Variants in LDB2 observed in about 807,000 individuals in gnomAD.
The protein encoded by LDB2 is LIM domain binding 2, also known as LIM domain-binding protein 2.
A neutral mutation model predicts 44.3 loss-of-function variants in LDB2; 12 were observed. The observed-to-expected ratio is 0.27, with a 90% CI of 0.17 to 0.44. The LOEUF (loss-of-function observed/expected upper bound fraction) is 0.44, where lower values mean the gene tolerates loss of function less well. LDB2 is among the 20% of genes least tolerant of loss of function. LDB2 has a pLI of 1.00. For synonymous variants in LDB2, 164 were observed against 174.8 expected (o/e 0.94, Z 0.49); for missense variants, 344 against 473.5 (o/e 0.73, Z 2.54).
At chr4:16,517,722 T>C (rs1724309204) in intron 5 of LDB2, among the ~76,000 whole-genome samples, 1 of 152,246 alleles carries the variant, frequency 6.6e-6, no homozygotes, top group South Asian at 2.1e-4. Flanking sequence ...TTGTTCATCC[T>C]GGCAAAGTTC....
intron 1 of LDB2, among the ~76,000 whole-genome samples, chr4:16,834,390 C>A (rs554493995): frequency 1.3e-5 from 2 of 152,230 alleles, no homozygotes; most frequent in Non-Finnish European, 1.5e-5. Context: ...TGTGCCATCA[C>A]ACCTATGTGG....
chr4:16,654,400 C>T (rs1739171643), intron 2 of LDB2, among the ~76,000 whole-genome samples: 1 of 152,100 alleles, frequency 6.6e-6, no homozygotes, highest in African/African-American at 2.4e-5. Flanking sequence ...TGGAAGGGCA[C>T]TGGAGAGGCA....
chr4:16,655,704 C>T (rs1015156097), intron 2 of LDB2, among the ~76,000 whole-genome samples: 3 of 152,060 alleles, frequency 2.0e-5, no homozygotes, highest in African/African-American at 7.2e-5. Context: ...AGCCCCTCCT[C>T]GATGCCACAA....
chr4:16,751,719 C>T (rs955183421), intron 2 of LDB2, among the ~76,000 whole-genome samples: 2 of 152,176 alleles, frequency 1.3e-5, no homozygotes, highest in Non-Finnish European at 2.9e-5. Context: ...CTGTCTTTCT[C>T]CCAAGAACTG....
chr4:16,857,634 C>T (rs145521837), intron 1 of LDB2, among the ~76,000 whole-genome samples: 2 of 152,152 alleles, frequency 1.3e-5, no homozygotes, highest in Non-Finnish European at 2.9e-5. Flanking sequence ...TCCCATGACA[C>T]GCTGAGACCC....
At chr4:16,812,771 A>G (rs537824045) in intron 1 of LDB2, among the ~76,000 whole-genome samples, 4 of 151,886 alleles carry the variant, frequency 2.6e-5, no homozygotes, top group African/African-American at 9.7e-5. Flanking sequence ...GAGAACAAGA[A>G]TATAAAAATA....
At chr4:16,888,677 AT>A (rs1490485896) in intron 1 of LDB2, 2 of 976,746 alleles carry the variant, frequency 2.0e-6, no homozygotes, top group Non-Finnish European at 2.4e-6. Context: ...TACTTACATT[AT>A]TTAATTTGCT....
At chr4:16,523,710 C>T (rs927962551) in intron 5 of LDB2, among the ~76,000 whole-genome samples, 2 of 151,876 alleles carry the variant, frequency 1.3e-5, no homozygotes, top group Non-Finnish European at 2.9e-5. Context: ...TAGTGTGTAT[C>T]CATTGAACAA....
chr4:16,716,679 GC>G (rs1356762332), intron 2 of LDB2, among the ~76,000 whole-genome samples: 3 of 152,046 alleles, frequency 2.0e-5, no homozygotes, highest in Non-Finnish European at 4.4e-5. Flanking sequence ...ACTAACCAAA[GC>G]CCCTTGGCCT....
At chr4:16,823,837 A>G (rs964936579) in intron 1 of LDB2, among the ~76,000 whole-genome samples, 4 of 152,250 alleles carry the variant, frequency 2.6e-5, no homozygotes, top group East Asian at 1.9e-4. Context: ...CTAGTGTACA[A>G]TCTTACCTAA....
chr4:16,897,200 C>A (rs73131711), intron 1 of LDB2, among the ~76,000 whole-genome samples: 1 of 152,178 alleles, frequency 6.6e-6, no homozygotes, highest in African/African-American at 2.4e-5. Flanking sequence ...ATAGCACAAA[C>A]TTAATGGAGT....
chr4:16,791,541 C>T (rs891413869), intron 1 of LDB2, among the ~76,000 whole-genome samples: 2 of 70,406 alleles, frequency 2.8e-5, no homozygotes, highest in Admixed American at 1.8e-4. Context: ...GGCAACAGAG[C>T]GAGACTCTGG....
chr4:16,621,985 G>T (rs530807506), intron 2 of LDB2, among the ~76,000 whole-genome samples: 1 of 152,326 alleles, frequency 6.6e-6, no homozygotes, highest in East Asian at 1.9e-4. Context: ...AAAAGTAATT[G>T]TGATTTTTGC....
intron 1 of LDB2, among the ~76,000 whole-genome samples, chr4:16,794,542 G>A (rs1776358836): frequency 6.6e-6 from 1 of 152,156 alleles, no homozygotes; most frequent in Non-Finnish European, 1.5e-5. Flanking sequence ...TTATTGAGCT[G>A]TGTGACTTTG....
At chr4:16,620,057 T>C (rs1276378988) in intron 2 of LDB2, among the ~76,000 whole-genome samples, 1 of 152,140 alleles carries the variant, frequency 6.6e-6, no homozygotes, top group Admixed American at 6.6e-5. Flanking sequence ...TCCGTCTGAG[T>C]TATTATCAGA....
At chr4:16,710,062 C>T (rs1208167986) in intron 2 of LDB2, among the ~76,000 whole-genome samples, 2 of 152,166 alleles carry the variant, frequency 1.3e-5, no homozygotes, top group East Asian at 3.9e-4. Flanking sequence ...CCAAGTTTGC[C>T]ATAGATAATG....
chr4:16,518,512 C>G (rs1724735490), intron 5 of LDB2, among the ~76,000 whole-genome samples: 2 of 151,548 alleles, frequency 1.3e-5, no homozygotes, highest in South Asian at 4.2e-4. Context: ...AAAAGGCCTT[C>G]TCTCCTCTTT....
chr4:16,598,594 G>GT (rs946269347), intron 2 of LDB2, among the ~76,000 whole-genome samples: 3 of 152,016 alleles, frequency 2.0e-5, no homozygotes, highest in Non-Finnish European at 4.4e-5. Context: ...GTGTTGAGGT[G>GT]TTTTTTTAAT....
At chr4:16,597,380 C>T (rs1002064400) in intron 2 of LDB2, among the ~76,000 whole-genome samples, 1 of 151,844 alleles carries the variant, frequency 6.6e-6, no homozygotes, top group South Asian at 2.1e-4. Context: ...CTGCCTAATC[C>T]CCAATACTGC....
Sources: allele counts gnomAD v4.1 joint callset (sites outside exome capture counted in the v4.1 genomes callset), GRCh38; gene constraint gnomAD v4.1.1; transcripts MANE v1.5; gene names NCBI Gene and HGNC (gene_info 2026-07-23, HGNC 2026-07-21).